GABBR2: variants seen among roughly 807,000 people sequenced by gnomAD.
GABBR2 encodes the protein G-protein coupled receptor 51.
A neutral mutation model predicts 105.6 loss-of-function variants in GABBR2; 23 were observed. The ratio of observed to expected loss-of-function variants is 0.22; its 90% confidence interval spans 0.16 to 0.31. The LOEUF is 0.31. GABBR2 is among the 10% of genes least tolerant of loss of function. GABBR2 has a pLI of 1.00. For synonymous variants in GABBR2, 478 were observed against 499.7 expected (o/e 0.96, Z 0.58); for missense variants, 734 against 1,245.5 (o/e 0.59, Z 6.18).
intron 13 of GABBR2, 75 bp downstream of exon 13, chr9:98,362,640 C>G: frequency 8.1e-7 from 1 of 1,240,636 alleles, no homozygotes; most frequent in Middle Eastern, 2.1e-4. Context: ...AGTCTGGGAG[C>G]TGTGCAGCCT....
chr9:98,524,687 A>C (rs917485690), intron 3 of GABBR2, among the ~76,000 whole-genome samples: 1 of 152,198 alleles, frequency 6.6e-6, no homozygotes, highest in African/African-American at 2.4e-5. Flanking sequence ...CCATCAGGAA[A>C]TCTTGTCAGC....
chr9:98,704,196 G>A (rs1489818486), intron 1 of GABBR2, among the ~76,000 whole-genome samples: 1 of 152,172 alleles, frequency 6.6e-6, no homozygotes, highest in African/African-American at 2.4e-5. Context: ...AGGAAGCACA[G>A]CCTCAATTCA....
intron 2 of GABBR2, among the ~76,000 whole-genome samples, chr9:98,564,727 C>T (rs1828725509): frequency 6.6e-6 from 1 of 152,174 alleles, no homozygotes; most frequent in African/African-American, 2.4e-5. Flanking sequence ...AGGCAAGGCC[C>T]TTGGGGTACT....
At chr9:98,340,892 A>T (rs901183848) in intron 13 of GABBR2, among the ~76,000 whole-genome samples, 1 of 152,258 alleles carries the variant, frequency 6.6e-6, no homozygotes. Context: ...AATGGCTTTA[A>T]CAAGACAAAT....
At chr9:98,434,345 T>G (rs557653574) in intron 7 of GABBR2, among the ~76,000 whole-genome samples, 26 of 152,322 alleles carry the variant, frequency 1.7e-4, no homozygotes, top group East Asian at 7.7e-4. Flanking sequence ...CTATTAGTTC[T>G]GTCTCTCTAG....
At chr9:98,532,033 C>T (rs539326810) in intron 3 of GABBR2, among the ~76,000 whole-genome samples, 56 of 152,322 alleles carry the variant, frequency 3.7e-4, no homozygotes, top group Admixed American at 1.7e-3. Flanking sequence ...ACTTTTTAAA[C>T]AGGGATTCCA....
chr9:98,613,375 G>A (rs747026826), intron 1 of GABBR2, among the ~76,000 whole-genome samples: 29 of 152,052 alleles, frequency 1.9e-4, no homozygotes, highest in Non-Finnish European at 3.5e-4. Flanking sequence ...AGTAGATTGC[G>A]GTTACAGTGA....
intron 3 of GABBR2, among the ~76,000 whole-genome samples, chr9:98,528,647 CCAA>C (rs1345435020): frequency 6.6e-6 from 1 of 151,780 alleles, no homozygotes; most frequent in Admixed American, 6.6e-5. Context: ...GGAAAAAGTG[CCAA>C]CAACATGAAC....
At chr9:98,591,858 C>A (rs1306406627) in intron 1 of GABBR2, among the ~76,000 whole-genome samples, 2 of 152,136 alleles carry the variant, frequency 1.3e-5, no homozygotes, top group Non-Finnish European at 2.9e-5. Flanking sequence ...ACCCCCACCT[C>A]ATCTATGCTT....
chr9:98,696,569 C>T (rs540316884), intron 1 of GABBR2, among the ~76,000 whole-genome samples: 19 of 152,318 alleles, frequency 1.2e-4, no homozygotes, highest in Admixed American at 5.2e-4. Flanking sequence ...GCCTCCTCCC[C>T]CACGTGCCTT....
intron 1 of GABBR2, among the ~76,000 whole-genome samples, chr9:98,674,892 T>C (rs1042211094): frequency 6.6e-6 from 1 of 152,032 alleles, no homozygotes; most frequent in African/African-American, 2.4e-5. Flanking sequence ...AAGCTTCATT[T>C]CTCTCTACAC....
chr9:98,686,679 A>G (rs1443131243), intron 1 of GABBR2, among the ~76,000 whole-genome samples: 1 of 152,170 alleles, frequency 6.6e-6, no homozygotes, highest in South Asian at 2.1e-4. Flanking sequence ...TACAGGCCTG[A>G]GCCACTGCAC....
chr9:98,415,159 C>T (rs890747869), intron 7 of GABBR2, among the ~76,000 whole-genome samples: 5 of 152,184 alleles, frequency 3.3e-5, no homozygotes, highest in South Asian at 2.1e-4. Flanking sequence ...AAAGTAAAAA[C>T]GTTAACACTG....
chr9:98,370,552 C>CCTAT (rs1246602276), intron 12 of GABBR2, among the ~76,000 whole-genome samples: 1 of 152,132 alleles, frequency 6.6e-6, no homozygotes, highest in East Asian at 1.9e-4. Flanking sequence ...AAGCGGCCAG[C>CCTAT]CTATACTCCT....
At position 98,659,477 on chromosome 9, in the gene GABBR2, TTTC is replaced by T. The variant is rs201739357; in HGVS notation, c.321+48937_321+48939del. Among the ~76,000 whole-genome samples, 449 of 149,080 alleles carry T rather than the reference TTTC, an allele frequency of 3.0e-3. 2 individuals are homozygous for T. Among genetic ancestry groups the T allele is most frequent in the Middle Eastern group, 0.017 (5 of 290 alleles). ...ACCATATAGTCACAGTCCCATATTA[TTTC>T]TTCTTCTTTTTTTTTTAAACAACCT... On this transcript the variant is annotated intron_variant, in intron 1 of 18. Transcript: ENST00000259455.
At chr9:98,472,244 C>G (rs1826698935) in intron 6 of GABBR2, among the ~76,000 whole-genome samples, 1 of 152,186 alleles carries the variant, frequency 6.6e-6, no homozygotes. Context: ...GATGTTACCA[C>G]CTTTACCAGG....
intron 1 of GABBR2, among the ~76,000 whole-genome samples, chr9:98,582,100 C>T (rs1829011522): frequency 1.3e-5 from 2 of 152,194 alleles, no homozygotes; most frequent in Admixed American, 6.5e-5. Context: ...CTTGGAATTA[C>T]CTCCATGAAT....
At chr9:98,392,040 C>T (rs771671778) in intron 9 of GABBR2, among the ~76,000 whole-genome samples, 8 of 152,074 alleles carry the variant, frequency 5.3e-5, no homozygotes, top group Non-Finnish European at 1.0e-4. Context: ...CCTGCCTGGG[C>T]TCTGTGTTCA....
intron 1 of GABBR2, 24 bp downstream of exon 1, chr9:98,708,393 C>A (rs570817139): frequency 2.2e-6 from 3 of 1,362,646 alleles, no homozygotes; most frequent in South Asian, 2.0e-5. Flanking sequence ...GAAGCCCCGA[C>A]GGCAGGGGCA....
Sources: gnomAD v4.1 joint callset for allele counts (sites outside exome capture counted in the v4.1 genomes callset) on GRCh38, gnomAD v4.1.1 for gene constraint, MANE v1.5 for transcripts, NCBI Gene and HGNC (gene_info 2026-07-23, HGNC 2026-07-21) for gene names.